MROH9: variants seen among roughly 807,000 people sequenced by gnomAD.
MROH9 encodes the protein maestro heat-like repeat-containing protein family member 9.
Under a neutral mutation model 98.2 loss-of-function variants are expected in MROH9, and 92 were observed. The observed-to-expected ratio is 0.94, with a 90% CI of 0.79 to 1.11. The LOEUF (loss-of-function observed/expected upper bound fraction) is 1.11. Among genes scored for constraint, MROH9 ranks in the 50% most tolerant of loss-of-function variants. The pLI is 0.00. For missense variants in MROH9, 1,057 were observed against 1,014.8 expected (o/e 1.04, Z -0.57); for synonymous variants, 397 against 368.9 (o/e 1.08, Z -0.87).
chr1:170,994,142 C>T (rs992166723), intron 12 of MROH9, among the ~76,000 whole-genome samples: 5 of 152,076 alleles, frequency 3.3e-5, no homozygotes, highest in African/African-American at 1.2e-4. Context: ...GTATATTTGC[C>T]TTTTTCAAGA....
chr1:170,987,707 T>A (rs28532200), intron 10 of MROH9, among the ~76,000 whole-genome samples: 19,676 of 152,222 alleles, frequency 0.13, 1,348 homozygotes, highest in Middle Eastern at 0.18. Context: ...CACACATGCA[T>A]ACGTATTACA....
chr1:170,971,656 C>A, intron 7 of MROH9, 92 bp from the exon 8 acceptor site: 1 of 1,396,624 alleles, frequency 7.2e-7, no homozygotes, highest in Non-Finnish European at 9.9e-7. Flanking sequence ...TCTTAGAATC[C>A]TAGTCTGATT....
chr1:171,057,462 C>T (rs1311551058), intron 20 of MROH9, among the ~76,000 whole-genome samples: 1 of 152,074 alleles, frequency 6.6e-6, no homozygotes, highest in East Asian at 1.9e-4. Context: ...AAACTGGGGA[C>T]TTTGTGAAAA....
chr1:171,041,965 A>G (rs1653321543), intron 20 of MROH9, among the ~76,000 whole-genome samples: 7 of 152,052 alleles, frequency 4.6e-5, no homozygotes, highest in Admixed American at 4.6e-4. Flanking sequence ...TATTCATCCC[A>G]TCAAACATTT....
intron 20 of MROH9, among the ~76,000 whole-genome samples, chr1:171,036,748 A>G (rs1653109726): frequency 6.6e-6 from 1 of 151,600 alleles, no homozygotes; most frequent in Admixed American, 6.6e-5. Flanking sequence ...AAATAAATAA[A>G]CGCTATCTTT....
chr1:171,037,905 C>T (rs954880543), intron 20 of MROH9, among the ~76,000 whole-genome samples: 1 of 151,914 alleles, frequency 6.6e-6, no homozygotes, highest in East Asian at 1.9e-4. Context: ...TAATTTTACT[C>T]CCATTTCATT....
chr1:170,960,791 T>A (rs1483317942), intron 5 of MROH9, among the ~76,000 whole-genome samples: 2 of 152,052 alleles, frequency 1.3e-5, no homozygotes, highest in Non-Finnish European at 2.9e-5. Flanking sequence ...CCTGGCTAAT[T>A]TTTGTTTTGT....
intron 12 of MROH9, 130 bp from the exon 13 acceptor site, chr1:170,995,259 T>C (rs1198663428): frequency 3.3e-6 from 3 of 913,192 alleles, no homozygotes; most frequent in East Asian, 2.4e-5. Context: ...GATACCCATA[T>C]GTGCTTTAGG....
At chr1:170,994,028 G>A (rs1651462308) in intron 12 of MROH9, among the ~76,000 whole-genome samples, 1 of 152,106 alleles carries the variant, frequency 6.6e-6, no homozygotes, top group Admixed American at 6.6e-5. Context: ...TTGCAAATTT[G>A]TCTCCATGAA....
At chr1:171,059,719 G>T (rs1196575641) in intron 20 of MROH9, among the ~76,000 whole-genome samples, 3 of 152,168 alleles carry the variant, frequency 2.0e-5, no homozygotes, top group Non-Finnish European at 4.4e-5. Flanking sequence ...ATGAGATCAT[G>T]TCCTTTGCAG....
At position 171,041,347 on chromosome 1, in the gene MROH9, ATGTGTGTG is replaced by A. The variant is rs377650131; in HGVS notation, c.2281+15961_2281+15968del. Among the ~76,000 whole-genome samples, 762 of 80,638 alleles carry A rather than the reference ATGTGTGTG, an allele frequency of 9.4e-3. 6 individuals are homozygous for A. Among genetic ancestry groups the A allele is most frequent in the Middle Eastern group, 0.027 (3 of 112 alleles). The allele number at this position is 80,638 out of a possible 152,430, so 52.9% of individuals were successfully genotyped here. ...TTTTATGGCTGAGTAGTATTCCATG[ATGTGTGTG>A]TGTGTGTGTGTGTGTGTGTGTGTGT... is the stretch of plus-strand genomic sequence containing the variant. On this transcript the variant is annotated intron_variant, in intron 20 of 21. Coordinates refer to ENST00000367759, the MANE Select transcript of MROH9 (RefSeq NM_001163629.2).
At position 171,020,284 on chromosome 1, in the gene MROH9, T is replaced by C. The variant is rs183192498; in HGVS notation, c.1908+3948T>C. On this transcript the variant is annotated intron_variant, in intron 17 of 21. Transcript: ENST00000367759. ...TTTTATGAGTCCAGCATCATTCTGA[T>C]TCCAAAACCTGGCAGAGACACAACA... is the stretch of plus-strand genomic sequence containing the variant. 1.1e-4 allele frequency among the ~76,000 whole-genome samples: 16 copies of C among 152,320 alleles called. No individual in the cohort carries two copies. The East Asian group carries it at 2.9e-3, about 28-fold the overall frequency.
chr1:171,040,252 G>A (rs908272966), intron 20 of MROH9, among the ~76,000 whole-genome samples: 6 of 152,040 alleles, frequency 3.9e-5, no homozygotes, highest in African/African-American at 1.4e-4. Context: ...TACATCAAAG[G>A]GTGCAAAGTT....
At chr1:171,062,249 A>AT in intron 21 of MROH9, 55 bp downstream of exon 21, 1 of 1,269,904 alleles carries the variant, frequency 7.9e-7, no homozygotes, top group Non-Finnish European at 1.1e-6. Context: ...TACATTTACT[A>AT]TTTTTAATTC....
intron 20 of MROH9, among the ~76,000 whole-genome samples, chr1:171,034,120 A>G (rs1429134373): frequency 6.6e-6 from 1 of 152,104 alleles, no homozygotes; most frequent in East Asian, 1.9e-4. Flanking sequence ...ATAGTTGAAT[A>G]CTAAAAAAAC....
At chr1:171,011,450 C>T (rs1652152866) in intron 15 of MROH9, among the ~76,000 whole-genome samples, 7 of 152,060 alleles carry the variant, frequency 4.6e-5, no homozygotes, top group Admixed American at 4.6e-4. Flanking sequence ...TTACCAGTCT[C>T]CCATTATTTT....
At chr1:170,985,133 C>T (rs561061518) in intron 9 of MROH9, among the ~76,000 whole-genome samples, 2 of 152,138 alleles carry the variant, frequency 1.3e-5, no homozygotes, top group South Asian at 4.2e-4. Context: ...GTGTCATTAA[C>T]TAAAAATATA....
intron 5 of MROH9, among the ~76,000 whole-genome samples, chr1:170,959,899 T>C (rs763138425): frequency 4.6e-5 from 7 of 152,214 alleles, no homozygotes; most frequent in African/African-American, 1.2e-4. Context: ...CATGGAAAGA[T>C]GGAAGTAGAA....
chr1:170,973,745 C>T (rs1235095260), intron 8 of MROH9, among the ~76,000 whole-genome samples: 1 of 151,866 alleles, frequency 6.6e-6, no homozygotes, highest in Non-Finnish European at 1.5e-5. Context: ...CATGGTGGTG[C>T]GTGCCTGTAA....
Sources: gnomAD v4.1 joint callset for allele counts (sites outside exome capture counted in the v4.1 genomes callset) on GRCh38, gnomAD v4.1.1 for gene constraint, MANE v1.5 for transcripts, NCBI Gene and HGNC (gene_info 2026-07-23, HGNC 2026-07-21) for gene names.